LIG1: variants seen among roughly 807,000 people sequenced by gnomAD.
LIG1 encodes ligase I, DNA, ATP-dependent.
In LIG1, 70 loss-of-function variants were observed where a neutral mutation model predicts 115.7. That is an observed-to-expected ratio of 0.60 (90% CI 0.50 to 0.74). LIG1 has a LOEUF of 0.74. LIG1 is among the 30% of genes least tolerant of loss of function. The pLI is 0.00. For missense variants in LIG1, 1,115 were observed against 1,225.6 expected (o/e 0.91, Z 1.35); for synonymous variants, 487 against 495.3 (o/e 0.98, Z 0.22).
chr19:48,161,730 A>G (rs2036187272), intron 3 of LIG1, among the ~76,000 whole-genome samples: 1 of 151,916 alleles, frequency 6.6e-6, no homozygotes, highest in Admixed American at 6.6e-5. Context: ...CATCTCTGGA[A>G]GTCTCCAGAG....
In LIG1 at chr19:48,161,399, A is replaced by C. The variant is rs758728645; in HGVS notation, c.216T>G (p.Asp72Glu). The change falls in exon 4 of 28, where the codon GAT becomes GAG. Residue 72 changes from aspartate (D) to glutamate (E), a missense_variant. By Grantham distance (45) the Asp-to-Glu change is conservative. Coordinates refer to ENST00000263274, the MANE Select transcript of LIG1 (RefSeq NM_000234.3). ...RVLGSEGEEEDEALSPAKGQK... is the reference protein window; with the variant it reads ...RVLGSEGEEEEEALSPAKGQK... ...GGCCTTTAGCAGGGCTAAGGGCTTCATCCTCCTCTTCCCCTTCGCTGCCCA... is the reference window on the plus strand; with the variant it reads ...GGCCTTTAGCAGGGCTAAGGGCTTCCTCCTCCTCTTCCCCTTCGCTGCCCA... The C allele has an allele frequency of 6.2e-7, 1 of 1,614,086 alleles. No individual in the cohort carries two copies. The highest frequency in any genetic ancestry group is 1.7e-5 in the Admixed American group (1 of 60,014).
rs749606432 is a variant in LIG1 at position 48,170,202 on chromosome 19, C to T, written c.-58+39G>A. On this transcript the variant is annotated intron_variant, in intron 1 of 27. Transcript: ENST00000263274. ...CCCCAAGCATTCGGCGCACCCGCCGCCCTCCGCCTCCCATCTGCTTGCGGA... is the reference window on the plus strand; with the variant it reads ...CCCCAAGCATTCGGCGCACCCGCCGTCCTCCGCCTCCCATCTGCTTGCGGA... 8 of 455,082 alleles carry T rather than the reference C, an allele frequency of 1.8e-5. No homozygotes were observed. In the East Asian group the frequency reaches 5.6e-4, roughly 32 times the overall value. 28.2% of individuals were successfully genotyped at this position (455,082 alleles called of 1,614,324 possible). A position where few individuals can be genotyped will look rare whatever the true frequency, so the allele number is the denominator to read the frequency against.
At chr19:48,135,642 A>C in intron 16 of LIG1, 38 bp downstream of exon 16, 1 of 1,507,390 alleles carries the variant, frequency 6.6e-7, no homozygotes, top group Non-Finnish European at 9.2e-7. Flanking sequence ...CACTCTGCCC[A>C]CAGCCCCTGG....
chr19:48,150,134 C>T lies in LIG1; in HGVS notation c.651G>A (p.Gln217=). The change falls in exon 8 of 28, where the codon CAG becomes CAA. Residue 217 remains glutamine (Q), a synonymous_variant. Transcript: ENST00000263274. ...TKQELQEEEE[Q]TKPPRRAPKT... ...TGGGAGCTCTGCGGGGAGGCTTGGT[C>T]TGCTCTTCCTCCTCCTGCAGTTCCT... 1.9e-6 allele frequency: 3 copies of T among 1,614,200 alleles called. No homozygotes were observed. Among genetic ancestry groups the T allele is most frequent in the South Asian group, 1.1e-5 (1 of 91,080 alleles).
rs3731031 is a variant in LIG1, at chr19:48,120,446, G to A, written c.2385+724C>T. On this transcript the variant is annotated intron_variant, in intron 24 of 27. Transcript: ENST00000263274. The stretch of plus-strand genomic sequence containing the variant: ...ACTACTGCGTGTCTCTGGGTGGTAC[G>A]ATTCTAGGTGATATTTTGTTCTGTT... The A allele has an allele frequency of 2.1e-4, 206 of 985,360 alleles. No individual in the cohort carries two copies. The African/African-American group carries it at 3.2e-3, about 15-fold the overall frequency. The allele number at this position is 985,360 out of a possible 1,614,324, so 61.0% of individuals were successfully genotyped here.
Position 48,157,013 on chromosome 19 carries a change from C to G in LIG1, c.370+1G>C, listed in dbSNP as rs1326803910. 2 of 1,597,168 alleles carry G rather than the reference C, an allele frequency of 1.3e-6. No individual in the cohort carries two copies. The highest frequency in any genetic ancestry group is 2.2e-5 in the South Asian group (2 of 90,796). On this transcript the variant is annotated splice_donor_variant, in intron 5 of 27. Coordinates refer to ENST00000263274, the MANE Select transcript of LIG1 (RefSeq NM_000234.3). LOFTEE classifies it high-confidence loss of function. ...AGGGGCAGGGGCCCGTGTGTTCTCACCTGTGCGACGCTTCGGAATCCCTGA... is the reference window on the plus strand; with the variant it reads ...AGGGGCAGGGGCCCGTGTGTTCTCAGCTGTGCGACGCTTCGGAATCCCTGA...
chr19:48,160,688 C>G (rs1419176938), intron 4 of LIG1, among the ~76,000 whole-genome samples: 2 of 151,812 alleles, frequency 1.3e-5, no homozygotes, highest in Admixed American at 6.6e-5. Flanking sequence ...GTTAAAAAGC[C>G]CTCTGACCAC....
intron 3 of LIG1, among the ~76,000 whole-genome samples, chr19:48,161,865 G>A (rs2036197716): frequency 1.6e-5 from 2 of 128,696 alleles, no homozygotes; most frequent in Admixed American, 1.7e-4. Context: ...TTGCTCTGTC[G>A]CCCAGGCTGG....
chr19:48,167,202 A>C (rs1460347265), intron 1 of LIG1, among the ~76,000 whole-genome samples: 1 of 151,230 alleles, frequency 6.6e-6, no homozygotes, highest in Admixed American at 6.6e-5. Context: ...TTTATAATGG[A>C]AGAAAATAAA....
chr19:48,169,915 C>CCCCT (rs1555784957), intron 1 of LIG1: 1 of 144,424 alleles, frequency 6.9e-6, no homozygotes, highest in Non-Finnish European at 1.5e-5. Context: ...CAGTTTTCCC[C>CCCCT]CCCCCGGCCC....
chr19:48,167,065 G>T (rs1304821725), intron 1 of LIG1, among the ~76,000 whole-genome samples: 1 of 151,156 alleles, frequency 6.6e-6, no homozygotes, highest in Non-Finnish European at 1.5e-5. Flanking sequence ...AACTCAAGTG[G>T]TCTATGAAAT....
chr19:48,146,971 C>T (rs191692917), intron 9 of LIG1, among the ~76,000 whole-genome samples: 8 of 152,340 alleles, frequency 5.3e-5, no homozygotes, highest in Non-Finnish European at 7.3e-5. Flanking sequence ...TGCTCCCTTC[C>T]TCCACAGGAA....
Position 48,122,039 on chromosome 19 carries a change from G to T in LIG1, c.2233-717C>A, listed in dbSNP as rs1340764879. ...ACAACAGTGCTATTTCCTGAGACAG[G>T]AAAGGTCTGTGCTGGAGGGAAACCA... On this transcript the variant is annotated intron_variant, in intron 23 of 27. Transcript: ENST00000263274. This position sits in a 1 kb window ranked among gnomAD's most constrained non-coding sequence, Gnocchi z 4.3. Among the ~76,000 whole-genome samples the T allele has an allele frequency of 6.6e-6, 1 of 152,200 alleles. No individual in the cohort carries two copies. Among genetic ancestry groups the T allele is most frequent in the African/African-American group, 2.4e-5 (1 of 41,452 alleles).
At chr19:48,161,031 T>G (rs1012966094) in intron 4 of LIG1, 12 of 366,126 alleles carry the variant, frequency 3.3e-5, no homozygotes, top group Non-Finnish European at 5.3e-5. Flanking sequence ...GCCATTGTGC[T>G]GGGCCTTGAG....
intron 26 of LIG1, chr19:48,116,167 G>C (rs1216471217): frequency 1.2e-5 from 7 of 586,622 alleles, no homozygotes; most frequent in Non-Finnish European, 2.2e-5. Flanking sequence ...CTGTTGGCCG[G>C]GTGCGGTGGC....
intron 14 of LIG1, among the ~76,000 whole-genome samples, chr19:48,136,736 C>T (rs1315032665): frequency 6.6e-6 from 1 of 152,220 alleles, no homozygotes; most frequent in Non-Finnish European, 1.5e-5. Flanking sequence ...GGCCCGCGCC[C>T]AAGCCGAGGC....
At chr19:48,121,099 A>C in intron 24 of LIG1, 71 bp downstream of exon 24, 1 of 1,612,508 alleles carries the variant, frequency 6.2e-7, no homozygotes, top group Non-Finnish European at 8.5e-7. Flanking sequence ...TGGGTTGTGC[A>C]ATAGGAAATA....
chr19:48,140,102 A>G lies in LIG1; in HGVS notation c.956T>C (p.Val319Ala), dbSNP rs1054393447. The G allele has an allele frequency of 4.7e-5, 76 of 1,613,642 alleles. No homozygotes were observed. The highest frequency in any genetic ancestry group is 6.1e-5 in the Non-Finnish European group (72 of 1,180,014). ...VETLSNLLRS[V>A]VALSPPDLLP... ...GAGGTCTGGAGGCGACAGGGCCACC[A>G]CGGAGCGCAGCAAGTTGCTCAGCGT... Residue 319 changes from valine (V) to alanine (A), a missense_variant, in exon 12 of 28, where the codon GTG becomes GCG. By Grantham distance (64) the Val-to-Ala change is moderately conservative (BLOSUM62 0). Coordinates refer to ENST00000263274, the MANE Select transcript of LIG1 (RefSeq NM_000234.3).
intron 5 of LIG1, chr19:48,154,525 C>T (rs2035713815): frequency 5.1e-6 from 1 of 194,526 alleles, no homozygotes; most frequent in South Asian, 1.1e-4. Context: ...ATAGCAGACC[C>T]AACAGCACAT....
Sources: allele counts gnomAD v4.1 joint callset (sites outside exome capture counted in the v4.1 genomes callset), GRCh38; gene constraint gnomAD v4.1.1; non-coding constraint Gnocchi (gnomAD v3.1); transcripts MANE v1.5; gene names NCBI Gene and HGNC (gene_info 2026-07-23, HGNC 2026-07-21).